Variants in TTF2 observed in about 807,000 individuals in gnomAD.
The protein encoded by TTF2 is RNA polymerase II termination factor.
Under a neutral mutation model 142.4 loss-of-function variants are expected in TTF2, and 108 were observed. That is an observed-to-expected ratio of 0.76 (90% CI 0.65 to 0.89). The LOEUF (loss-of-function observed/expected upper bound fraction) is 0.89, where lower values mean the gene tolerates loss of function less well. Among genes scored for constraint, TTF2 ranks in the 40% least tolerant of loss-of-function variants. The pLI, the probability that TTF2 is intolerant of heterozygous loss-of-function variation, is 0.00. For missense variants in TTF2, 1,327 were observed against 1,379.8 expected (o/e 0.96, Z 0.61); for synonymous variants, 483 against 506.2 (o/e 0.95, Z 0.61).
At chr1:117,069,016 AG>A (rs1656375051) in intron 3 of TTF2, among the ~76,000 whole-genome samples, 1 of 152,334 alleles carries the variant, frequency 6.6e-6, no homozygotes, top group East Asian at 1.9e-4. Context: ...TCAGCTTCAG[AG>A]TTTTATCCCA....
rs750163885 is a variant in TTF2 at position 117,073,626 on chromosome 1, A to G, written c.219-35A>G. 6 of 1,570,594 alleles carry G rather than the reference A, an allele frequency of 3.8e-6. No homozygotes were observed. The Admixed American group carries it at 8.5e-5, about 22-fold the overall frequency. On this transcript the variant is annotated intron_variant, in intron 3 of 22. Coordinates refer to ENST00000369466, the MANE Select transcript of TTF2 (RefSeq NM_003594.4). This position sits in a 1 kb window ranked among gnomAD's most constrained non-coding sequence, Gnocchi z 4.4. ...TTATCTCTTGTTCTAATGGATTTTC[A>G]TAGCCTTGATTATTTGTGTTTTATA...
rs146119968 is a variant in TTF2, at chr1:117,089,311, C to T, written c.2342+329C>T. 3.1e-3 allele frequency among the ~76,000 whole-genome samples: 435 copies of T among 142,248 alleles called. 1 individual carries two copies. Among genetic ancestry groups the T allele is most frequent in the Non-Finnish European group, 5.1e-3 (327 of 64,380 alleles). The allele number at this position is 142,248 out of a possible 152,430, so 93.3% of individuals were successfully genotyped here. On this transcript the variant is annotated intron_variant, in intron 13 of 22. Transcript: ENST00000369466. ...TATTCTTAAGTCCAGTGAATGTTTT[C>T]GGCTACTTCTGCTTTAAAACATATG... is the stretch of plus-strand genomic sequence containing the variant.
intron 13 of TTF2, among the ~76,000 whole-genome samples, chr1:117,089,709 T>C (rs1471720314): frequency 2.0e-5 from 3 of 152,032 alleles, no homozygotes; most frequent in Non-Finnish European, 2.9e-5. Flanking sequence ...AAATTAAAAA[T>C]AAAATACTTA....
In TTF2 at chr1:117,076,235, T is replaced by A. The variant is rs1656998376; in HGVS notation, c.1331T>A (p.Ile444Asn). ...CTTCCAGACAAGGGTCAGAAGTTGA[T>A]CAAACAAATCCAGGAGCTGGAGGAA... ...QALPDKGQKL[I>N]KQIQELEEVL... The change falls in exon 6 of 23, where the codon ATC (isoleucine) becomes AAC (asparagine). Residue 444 changes from isoleucine (I) to asparagine (N), a missense_variant. Ile to Asn is a moderately radical substitution (Grantham distance 149). Coordinates refer to ENST00000369466, the MANE Select transcript of TTF2 (RefSeq NM_003594.4). This position sits in a 1 kb window ranked among gnomAD's most constrained non-coding sequence, Gnocchi z 4.6. 1 of 1,613,928 alleles carries A rather than the reference T, an allele frequency of 6.2e-7. No individual in the cohort carries two copies. Among genetic ancestry groups the A allele is most frequent in the Non-Finnish European group, 8.5e-7 (1 of 1,179,860 alleles).
In TTF2 at chr1:117,107,235, T is replaced by C. The variant is rs1650009764; in HGVS notation, c.*5711T>C. On this transcript the variant is annotated 3_prime_UTR_variant, in exon 23 of 23. Coordinates refer to ENST00000369466, the MANE Select transcript of TTF2 (RefSeq NM_003594.4). ...AAATTGAGTTTGGACTCCACTGTAGTGCATGCATGAGACAGCACCCCCAAT... is the reference window on the plus strand; with the variant it reads ...AAATTGAGTTTGGACTCCACTGTAGCGCATGCATGAGACAGCACCCCCAAT... 1 of 152,210 alleles carries C rather than the reference T, an allele frequency of 6.6e-6. No individual in the cohort carries two copies. The highest frequency in any genetic ancestry group is 1.5e-5 in the Non-Finnish European group (1 of 68,054). The allele number at this position is 152,210 out of a possible 1,614,324, so 9.4% of individuals were successfully genotyped here. A position where few individuals can be genotyped will look rare whatever the true frequency, so the allele number is the denominator to read the frequency against.
Position 117,098,828 on chromosome 1 carries a change from A to C in TTF2, c.3270-5A>C, listed in dbSNP as rs758990015. 23 of 1,611,234 alleles carry C rather than the reference A, an allele frequency of 1.4e-5. No individual in the cohort carries two copies. The East Asian group carries it at 4.9e-4, about 34-fold the overall frequency. On this transcript the variant is annotated splice_region_variant and splice_polypyrimidine_tract_variant and intron_variant, in intron 21 of 22. Coordinates refer to ENST00000369466, the MANE Select transcript of TTF2 (RefSeq NM_003594.4). ...TTCCTTTGAGCTTTAGCTGTCTTCT[A>C]ACAGGAATCCATCACTTGAAGATCA...
chr1:117,083,214 C>G (rs927459481), intron 10 of TTF2, among the ~76,000 whole-genome samples: 1 of 150,534 alleles, frequency 6.6e-6, no homozygotes, highest in African/African-American at 2.5e-5. Context: ...TGCACTCCAG[C>G]CTGGGTGACA....
Position 117,104,401 on chromosome 1 carries a change from A to G in TTF2, c.*2877A>G, listed in dbSNP as rs1649803994. ...GAACATTGTCAGTCTCCAATCAAGC[A>G]TTGTTTAGGGGAGAGGAATTCTTTC... On this transcript the variant is annotated 3_prime_UTR_variant, in exon 23 of 23. Coordinates refer to ENST00000369466, the MANE Select transcript of TTF2 (RefSeq NM_003594.4). 1 of 152,238 alleles carries G rather than the reference A, an allele frequency of 6.6e-6. No individual in the cohort carries two copies. The highest frequency in any genetic ancestry group is 2.4e-5 in the African/African-American group (1 of 41,458). 9.4% of individuals were successfully genotyped at this position (152,238 alleles called of 1,614,324 possible).
Position 117,073,605 on chromosome 1 carries a change from C to G in TTF2, c.219-56C>G. Reference sequence around the variant, plus strand: ...TTTCTTGGATTAAAAATAAGCTTATCTCTTGTTCTAATGGATTTTCATAGC... The same window carrying G: ...TTTCTTGGATTAAAAATAAGCTTATGTCTTGTTCTAATGGATTTTCATAGC... On this transcript the variant is annotated intron_variant, in intron 3 of 22. Transcript: ENST00000369466. This position sits in a 1 kb window ranked among gnomAD's most constrained non-coding sequence, Gnocchi z 4.4. The G allele has an allele frequency of 6.6e-7, 1 of 1,515,264 alleles. No individual in the cohort carries two copies. The highest frequency in any genetic ancestry group is 9.0e-7 in the Non-Finnish European group (1 of 1,107,552). The allele number at this position is 1,515,264 out of a possible 1,614,324, so 93.9% of individuals were successfully genotyped here.
chr1:117,077,604 C>G (rs148997110), intron 7 of TTF2, among the ~76,000 whole-genome samples: 1 of 152,212 alleles, frequency 6.6e-6, no homozygotes, highest in African/African-American at 2.4e-5. Flanking sequence ...CCTGAACTTT[C>G]TAGGCAACTT....
At chr1:117,066,268 A>G (rs577467499) in intron 3 of TTF2, among the ~76,000 whole-genome samples, 1 of 152,286 alleles carries the variant, frequency 6.6e-6, no homozygotes, top group South Asian at 2.1e-4. Context: ...ATGAAGTGGC[A>G]TTGCTGGGAT....
intron 3 of TTF2, among the ~76,000 whole-genome samples, chr1:117,071,275 G>C (rs1243594708): frequency 6.6e-6 from 1 of 151,434 alleles, no homozygotes; most frequent in Admixed American, 6.6e-5. Flanking sequence ...GAGGGTTCTG[G>C]TTAAAAATAA....
rs10754335 is a variant in TTF2, at chr1:117,070,049, T to C, written c.219-3612T>C. On this transcript the variant is annotated intron_variant, in intron 3 of 22. Transcript: ENST00000369466. This position sits in a 1 kb window ranked among gnomAD's most constrained non-coding sequence, Gnocchi z 4.2. ...TAATAAAACGTAACAAACAAACTTA[T>C]TATCCTAAAATCAGAAAAGCTCATC... 0.27 allele frequency among the ~76,000 whole-genome samples: 40,682 copies of C among 152,214 alleles called. 5,562 individuals are homozygous for C. The highest frequency in any genetic ancestry group is 0.29 in the Non-Finnish European group (19,482 of 68,004).
At chr1:117,074,597 TATC>T (rs1372018678) in intron 4 of TTF2, among the ~76,000 whole-genome samples, 5 of 152,028 alleles carry the variant, frequency 3.3e-5, no homozygotes, top group East Asian at 3.9e-4. Context: ...GAAAACCAAA[TATC>T]ATATGTTCTC....
chr1:117,083,241 CAAAA>C (rs937586299), intron 10 of TTF2, among the ~76,000 whole-genome samples: 1 of 53,298 alleles, frequency 1.9e-5, no homozygotes, highest in East Asian at 5.7e-4. Flanking sequence ...GACTCCGTCT[CAAAA>C]AAAAAAAAAA....
intron 3 of TTF2, among the ~76,000 whole-genome samples, chr1:117,071,268 G>A (rs888884079): frequency 2.0e-5 from 3 of 151,512 alleles, no homozygotes; most frequent in Non-Finnish European, 2.9e-5. Context: ...CCACCAAGAG[G>A]GTTCTGGTTA....
Position 117,097,434 on chromosome 1 carries a change from G to T in TTF2, c.3269+1G>T, listed in dbSNP as rs1332134305. 1 of 1,614,014 alleles carries T rather than the reference G, an allele frequency of 6.2e-7. No individual in the cohort carries two copies. Among genetic ancestry groups the T allele is most frequent in the African/African-American group, 1.3e-5 (1 of 74,908 alleles). On this transcript the variant is annotated splice_donor_variant, in intron 21 of 22. Transcript: ENST00000369466. LOFTEE classifies it high-confidence loss of function. This position sits in a 1 kb window ranked among gnomAD's most constrained non-coding sequence, Gnocchi z 4.1. Reference sequence around the variant, plus strand: ...ACCTCTTTCTTTTGGACATGCACTGGTAATGATTCCGGATTTGTCCTGGGT... The same window carrying T: ...ACCTCTTTCTTTTGGACATGCACTGTTAATGATTCCGGATTTGTCCTGGGT...
intron 3 of TTF2, among the ~76,000 whole-genome samples, chr1:117,071,956 C>T (rs1269972734): frequency 6.6e-6 from 1 of 152,080 alleles, no homozygotes; most frequent in South Asian, 2.1e-4. Context: ...CCTTGCCAAG[C>T]AGGTACGACT....
intron 3 of TTF2, among the ~76,000 whole-genome samples, chr1:117,071,125 G>T (rs1407334812): frequency 6.6e-6 from 1 of 152,020 alleles, no homozygotes; most frequent in Admixed American, 6.6e-5. Flanking sequence ...AAGAAGAACA[G>T]CACAAATACA....
Sources: gnomAD v4.1 joint callset for allele counts (sites outside exome capture counted in the v4.1 genomes callset) on GRCh38, gnomAD v4.1.1 for gene constraint, Gnocchi (gnomAD v3.1) non-coding constraint, MANE v1.5 for transcripts, NCBI Gene and HGNC (gene_info 2026-07-23, HGNC 2026-07-21) for gene names.